NF2: variants seen among roughly 807,000 people sequenced by gnomAD.
NF2 encodes merlin.
In NF2, 8 loss-of-function variants were observed where a neutral mutation model predicts 83.7. The observed-to-expected ratio is 0.10, with a 90% confidence interval of 0.06 to 0.17. NF2 has a LOEUF of 0.17. NF2 is among the 10% of genes least tolerant of loss of function. The pLI is 1.00. For synonymous variants in NF2, 266 were observed against 269.6 expected (o/e 0.99, Z 0.13); for missense variants, 533 against 744.4 (o/e 0.72, Z 3.31).
intron 7 of NF2, among the ~76,000 whole-genome samples, chr22:29,660,326 T>A (rs77771275): frequency 3.0e-4 from 46 of 152,342 alleles, no homozygotes; most frequent in Non-Finnish European, 5.6e-4. Context: ...TTTTGATATG[T>A]ATTTCCCATC....
chr22:29,664,795 G>C (rs1230056997), intron 8 of NF2, among the ~76,000 whole-genome samples, 195 bp from the exon 9 acceptor site: 1 of 152,102 alleles, frequency 6.6e-6, no homozygotes, highest in Non-Finnish European at 1.5e-5. Flanking sequence ...GTACCTTTAG[G>C]GTCCTGAGCT....
intron 3 of NF2, among the ~76,000 whole-genome samples, chr22:29,640,445 C>A (rs2065776096): frequency 6.6e-6 from 1 of 152,078 alleles, no homozygotes; most frequent in Non-Finnish European, 1.5e-5. Flanking sequence ...ACAGGTTGAC[C>A]ATCCAGAGGC....
intron 4 of NF2, among the ~76,000 whole-genome samples, chr22:29,652,205 G>A (rs558798925): frequency 6.6e-6 from 1 of 152,270 alleles, no homozygotes; most frequent in East Asian, 1.9e-4. Flanking sequence ...ATCCTCTAAG[G>A]CCAGTGCTCT....
chr22:29,609,540 C>A, intron 1 of NF2: 1 of 233,118 alleles, frequency 4.3e-6, no homozygotes, highest in South Asian at 8.3e-5. Flanking sequence ...TATGAAATCT[C>A]CTTTTTACTG....
chr22:29,626,947 A>G (rs2247753), intron 1 of NF2, among the ~76,000 whole-genome samples: 22,912 of 152,188 alleles, frequency 0.15, 2,433 homozygotes, highest in East Asian at 0.57. Flanking sequence ...AAGAACTTCT[A>G]TTTTTCAGCA....
chr22:29,644,057 G>T (rs74453045), intron 4 of NF2, among the ~76,000 whole-genome samples: 1 of 139,012 alleles, frequency 7.2e-6, no homozygotes, highest in Non-Finnish European at 1.6e-5. Flanking sequence ...GGTGGCTGCC[G>T]GGCGGAGACG....
chr22:29,655,282 G>A (rs2066266821), intron 5 of NF2, among the ~76,000 whole-genome samples: 1 of 152,180 alleles, frequency 6.6e-6, no homozygotes, highest in Non-Finnish European at 1.5e-5. Flanking sequence ...GGCCTGAGAT[G>A]AGTGAGCATT....
chr22:29,649,104 GGT>G (rs1251866875), intron 4 of NF2, among the ~76,000 whole-genome samples: 1 of 151,758 alleles, frequency 6.6e-6, no homozygotes, highest in African/African-American at 2.4e-5. Context: ...GGTATAACTG[GGT>G]TAAAGAATAA....
At chr22:29,642,063 T>A in intron 3 of NF2, 139 bp from the exon 4 acceptor site, 3 of 715,152 alleles carry the variant, frequency 4.2e-6, no homozygotes, top group South Asian at 1.6e-5. Flanking sequence ...AAAAAAAAAA[T>A]TGTACCCTTT....
At chr22:29,623,457 C>T (rs999224064) in intron 1 of NF2, among the ~76,000 whole-genome samples, 11 of 152,234 alleles carry the variant, frequency 7.2e-5, no homozygotes, top group Non-Finnish European at 1.2e-4. Context: ...AGAAGGCAAA[C>T]GCTTTGGGCA....
At chr22:29,676,706 T>G (rs1336966410) in intron 13 of NF2, among the ~76,000 whole-genome samples, 3 of 152,176 alleles carry the variant, frequency 2.0e-5, no homozygotes, top group Non-Finnish European at 2.9e-5. Context: ...TGAACACAAA[T>G]CTTGACACAC....
At chr22:29,621,807 C>T (rs560072193) in intron 1 of NF2, among the ~76,000 whole-genome samples, 1 of 152,350 alleles carries the variant, frequency 6.6e-6, no homozygotes, top group South Asian at 2.1e-4. Flanking sequence ...CCTGGTCCCT[C>T]CTTCACACTG....
At chr22:29,633,918 A>G (rs1161299748) in intron 1 of NF2, among the ~76,000 whole-genome samples, 1 of 152,210 alleles carries the variant, frequency 6.6e-6, no homozygotes, top group Admixed American at 6.5e-5. Context: ...TGTTGAAAGA[A>G]TAAGTGGGAG....
intron 2 of NF2, 158 bp downstream of exon 2, chr22:29,637,034 C>G (rs546797350): frequency 1.5e-5 from 16 of 1,088,540 alleles, no homozygotes; most frequent in Admixed American, 7.8e-5. Context: ...CGTAGAGATG[C>G]TACCAGTTTC....
chr22:29,676,115 A>C (rs1270763143), intron 13 of NF2, among the ~76,000 whole-genome samples: 1 of 152,024 alleles, frequency 6.6e-6, no homozygotes, highest in Non-Finnish European at 1.5e-5. Context: ...TCGTCTGAGC[A>C]GTCAACTGGG....
chr22:29,657,922 C>T (rs1178793031), intron 6 of NF2, among the ~76,000 whole-genome samples: 1 of 152,120 alleles, frequency 6.6e-6, no homozygotes, highest in East Asian at 1.9e-4. Flanking sequence ...TTACCAAGGG[C>T]AAGGTGGGAA....
chr22:29,669,061 G>T (rs557519163), intron 10 of NF2, among the ~76,000 whole-genome samples: 6 of 152,334 alleles, frequency 3.9e-5, no homozygotes, highest in Admixed American at 1.3e-4. Flanking sequence ...TTGTGTTTTT[G>T]GATAAACTAC....
intron 12 of NF2, among the ~76,000 whole-genome samples, chr22:29,674,412 C>T (rs1055204593): frequency 7.9e-5 from 12 of 152,184 alleles, no homozygotes; most frequent in Admixed American, 5.9e-4. Context: ...GTGTTTTATC[C>T]GGGGGCTGTG....
intron 1 of NF2, among the ~76,000 whole-genome samples, chr22:29,635,762 C>T (rs958242089): frequency 2.0e-5 from 3 of 152,070 alleles, no homozygotes; most frequent in Non-Finnish European, 2.9e-5. Context: ...CCATGTCTGT[C>T]GAAAGATTAC....
Sources: gnomAD v4.1 joint callset for allele counts (sites outside exome capture counted in the v4.1 genomes callset) on GRCh38, gnomAD v4.1.1 for gene constraint, MANE v1.5 for transcripts, NCBI Gene and HGNC (gene_info 2026-07-23, HGNC 2026-07-21) for gene names.